The following BFSP2 variants were observed in gnomAD, a reference collection of about 807,000 sequenced individuals.
The protein encoded by BFSP2 is phakinin.
In BFSP2, 38 loss-of-function variants were observed where a neutral mutation model predicts 44.9. The observed-to-expected ratio is 0.85, with a 90% CI of 0.65 to 1.11. BFSP2 has a LOEUF of 1.11. Among genes scored for constraint, BFSP2 ranks in the 50% least tolerant of loss-of-function variants. BFSP2 has a pLI of 0.00. For missense variants in BFSP2, 525 were observed against 533.0 expected (o/e 0.99, Z 0.15); for synonymous variants, 197 against 209.9 (o/e 0.94, Z 0.53).
intron 1 of BFSP2, among the ~76,000 whole-genome samples, chr3:133,418,993 GA>G (rs2107892472): frequency 6.6e-6 from 1 of 152,300 alleles, no homozygotes; most frequent in East Asian, 1.9e-4. Flanking sequence ...TTCAACAACA[GA>G]AAGGCATTTT....
At chr3:133,450,570 A>T in intron 4 of BFSP2, 106 bp downstream of exon 4, 1 of 1,317,274 alleles carries the variant, frequency 7.6e-7, no homozygotes, top group East Asian at 2.3e-5. Flanking sequence ...CGGTTTAGTA[A>T]CAAGTTCAAC....
At chr3:133,450,030 G>C (rs1559976185) in intron 3 of BFSP2, among the ~76,000 whole-genome samples, 1 of 121,236 alleles carries the variant, frequency 8.2e-6, no homozygotes, top group Non-Finnish European at 1.8e-5. Flanking sequence ...GGGAGGGAGG[G>C]GGAGGGAAGG....
chr3:133,401,812 G>C (rs917437038), intron 1 of BFSP2, among the ~76,000 whole-genome samples: 1 of 152,104 alleles, frequency 6.6e-6, no homozygotes, highest in Non-Finnish European at 1.5e-5. Flanking sequence ...GTATAGCTGG[G>C]GGAAGCTAAG....
At position 133,411,578 on chromosome 3, in the gene BFSP2, A is replaced by G. The variant is rs184622090; in HGVS notation, c.489+11006A>G. Among the ~76,000 whole-genome samples, 889 of 152,268 alleles carry G rather than the reference A, an allele frequency of 5.8e-3. 5 individuals are homozygous for G. The highest frequency in any genetic ancestry group is 0.014 in the Middle Eastern group (4 of 294). The stretch of plus-strand genomic sequence containing the variant: ...TATGATTAAGCCTCAAGATAAAACT[A>G]CTAATTTACAGAAAAGAAGGGGGTC... On this transcript the variant is annotated intron_variant, in intron 1 of 6. Coordinates refer to ENST00000302334, the MANE Select transcript of BFSP2 (RefSeq NM_003571.4).
At chr3:133,430,924 T>A (rs1222214773) in intron 1 of BFSP2, among the ~76,000 whole-genome samples, 3 of 152,156 alleles carry the variant, frequency 2.0e-5, no homozygotes, top group Non-Finnish European at 4.4e-5. Context: ...TTTCATTCCG[T>A]GACTAGCCCT....
intron 4 of BFSP2, among the ~76,000 whole-genome samples, chr3:133,463,553 A>T (rs1358190629): frequency 6.6e-6 from 1 of 152,132 alleles, no homozygotes; most frequent in African/African-American, 2.4e-5. Flanking sequence ...TGTTTACTGG[A>T]GTTGTACACC....
intron 1 of BFSP2, among the ~76,000 whole-genome samples, chr3:133,411,773 C>A (rs2107881616): frequency 6.6e-6 from 1 of 152,016 alleles, no homozygotes. Context: ...GAGATGAAAC[C>A]AGCAAAATCC....
intron 1 of BFSP2, among the ~76,000 whole-genome samples, chr3:133,434,308 G>A (rs541532443): frequency 1.1e-4 from 17 of 151,796 alleles, no homozygotes; most frequent in South Asian, 8.3e-4. Flanking sequence ...AATTCTACAC[G>A]ACAAATGTTT....
chr3:133,418,591 T>G (rs911935166), intron 1 of BFSP2, among the ~76,000 whole-genome samples: 1 of 152,088 alleles, frequency 6.6e-6, no homozygotes, highest in African/African-American at 2.4e-5. Flanking sequence ...CTGGGTGCAG[T>G]TGGCCCAGAT....
At chr3:133,431,478 G>A (rs1165496615) in intron 1 of BFSP2, among the ~76,000 whole-genome samples, 9 of 152,272 alleles carry the variant, frequency 5.9e-5, no homozygotes, top group Admixed American at 3.9e-4. Context: ...TGTCCCATCT[G>A]TGCGGGACCC....
At chr3:133,411,709 G>A (rs1576558688) in intron 1 of BFSP2, among the ~76,000 whole-genome samples, 2 of 32,858 alleles carry the variant, frequency 6.1e-5, no homozygotes, top group African/African-American at 1.9e-4. Flanking sequence ...TTTTTAATAA[G>A]TGATATTTAG....
chr3:133,462,475 C>A (rs985702496), intron 4 of BFSP2, among the ~76,000 whole-genome samples: 3 of 152,180 alleles, frequency 2.0e-5, no homozygotes, highest in African/African-American at 7.2e-5. Context: ...ATAGCCTTGG[C>A]CAGCAGCTTT....
chr3:133,450,393 A>C lies in BFSP2; in HGVS notation c.820A>C (p.Thr274Pro). Residue 274 changes from threonine to proline, a missense_variant, in exon 4 of 7, where the codon ACG becomes CCG. Physicochemically the swap from Thr to Pro is conservative, Grantham distance 38 (BLOSUM62 -1). Coordinates refer to ENST00000302334, the MANE Select transcript of BFSP2 (RefSeq NM_003571.4). ...IGTGLDDILE[T>P]IRIQWERDVE... ...CACTGGTCTGGACGACATCCTTGAGACGATCAGAATTCAGTGGGAGAGAGA... is the reference window on the plus strand; with the variant it reads ...CACTGGTCTGGACGACATCCTTGAGCCGATCAGAATTCAGTGGGAGAGAGA... 1 of 1,614,180 alleles carries C rather than the reference A, an allele frequency of 6.2e-7. No homozygotes were observed. The highest frequency in any genetic ancestry group is 8.5e-7 in the Non-Finnish European group (1 of 1,180,028).
At chr3:133,451,135 T>G (rs1469144799) in intron 4 of BFSP2, among the ~76,000 whole-genome samples, 1 of 138,280 alleles carries the variant, frequency 7.2e-6, no homozygotes, top group African/African-American at 2.6e-5. Context: ...AAAAAGAATA[T>G]TTGAAAAAAT....
chr3:133,436,148 G>C (rs1189630037), intron 1 of BFSP2, among the ~76,000 whole-genome samples: 1 of 151,846 alleles, frequency 6.6e-6, no homozygotes, highest in African/African-American at 2.4e-5. Flanking sequence ...TGGATCACTT[G>C]AGGCCATTGC....
rs752114772 is a variant in BFSP2 at position 133,400,237 on chromosome 3, C to A, written c.154C>A (p.Arg52=). 7 of 1,613,898 alleles carry A rather than the reference C, an allele frequency of 4.3e-6. No homozygotes were observed. Among genetic ancestry groups the A allele is most frequent in the Non-Finnish European group, 5.9e-6 (7 of 1,179,928 alleles). The change falls in exon 1 of 7, where the codon CGA becomes AGA. Residue 52 remains arginine, a synonymous_variant. Coordinates refer to ENST00000302334, the MANE Select transcript of BFSP2 (RefSeq NM_003571.4). This position sits in a 1 kb window ranked among gnomAD's most constrained non-coding sequence, Gnocchi z 4.0. ...SRTNAMSGLV[R]APGVYVGTAP... ...GACCAATGCCATGAGTGGCCTTGTC[C>A]GAGCACCCGGGGTCTATGTAGGAAC...
intron 5 of BFSP2, among the ~76,000 whole-genome samples, chr3:133,468,032 T>C (rs1381831406): frequency 6.6e-6 from 1 of 152,210 alleles, no homozygotes; most frequent in Non-Finnish European, 1.5e-5. Flanking sequence ...CCAGCCCACT[T>C]CTCAGTGTTT....
In BFSP2 at chr3:133,472,563, C is replaced by A. The variant is rs745480345; in HGVS notation, c.1242C>A (p.Ser414Arg). ...SYHALLDREE[S>R]G ...ACGCCCTGCTGGACAGGGAGGAGAG[C>A]GGGTAAGCCTCGCTTCCGCGTCAAT... The change falls in exon 6 of 7, where the codon AGC (serine) becomes AGA (arginine). Residue 414 changes from serine (S) to arginine (R), a missense_variant and splice_region_variant. Transcript: ENST00000302334. The A allele has an allele frequency of 1.2e-6, 2 of 1,611,606 alleles. No homozygotes were observed. The highest frequency in any genetic ancestry group is 2.2e-5 in the East Asian group (1 of 44,874).
intron 1 of BFSP2, among the ~76,000 whole-genome samples, chr3:133,409,493 G>A (rs950671371): frequency 2.6e-5 from 4 of 152,214 alleles, no homozygotes; most frequent in South Asian, 2.1e-4. Context: ...CCAACTTAGC[G>A]ACAATGAACA....
Sources: allele counts gnomAD v4.1 joint callset (sites outside exome capture counted in the v4.1 genomes callset), GRCh38; gene constraint gnomAD v4.1.1; non-coding constraint Gnocchi (gnomAD v3.1); transcripts MANE v1.5; gene names NCBI Gene and HGNC (gene_info 2026-07-23, HGNC 2026-07-21).